The following ABCC11 variants were observed in gnomAD, a reference collection of about 807,000 sequenced individuals.
ABCC11 encodes the protein ATP binding cassette subfamily C member 11, also known as ATP-binding cassette sub-family C member 11.
ABCC11 carries 135 observed loss-of-function variants against 149.3 expected under a neutral mutation model. That is an observed-to-expected ratio of 0.90 (90% CI 0.79 to 1.04). The LOEUF is 1.04. ABCC11 is among the 50% of genes least tolerant of loss of function. ABCC11 has a pLI of 0.00. For missense variants in ABCC11, 1,680 were observed against 1,722.1 expected (o/e 0.98, Z 0.43); for synonymous variants, 665 against 671.4 (o/e 0.99, Z 0.15).
chr16:48,186,875 C>A, intron 22 of ABCC11, 78 bp downstream of exon 22: 1 of 1,554,454 alleles, frequency 6.4e-7, no homozygotes, highest in East Asian at 2.2e-5. Flanking sequence ...TGATGCCACT[C>A]CCAGACGCTC....
chr16:48,218,131 T>TA (rs961806982), intron 6 of ABCC11, among the ~76,000 whole-genome samples: 1 of 151,792 alleles, frequency 6.6e-6, no homozygotes, highest in African/African-American at 2.4e-5. Flanking sequence ...ACCCCATCTC[T>TA]AAAAAAAATT....
intron 19 of ABCC11, 75 bp from the exon 20 acceptor site, chr16:48,192,792 G>A: frequency 1.4e-6 from 2 of 1,425,334 alleles, no homozygotes; most frequent in Non-Finnish European, 9.8e-7. Context: ...TTCTCCCTGG[G>A]GCCACGTGAG....
intron 6 of ABCC11, among the ~76,000 whole-genome samples, chr16:48,220,278 C>A (rs754746618): frequency 6.6e-6 from 1 of 152,208 alleles, no homozygotes; most frequent in Non-Finnish European, 1.5e-5. Flanking sequence ...ACTTAGCAAT[C>A]ACATGACCTT....
intron 13 of ABCC11, 105 bp downstream of exon 13, chr16:48,205,308 G>T: frequency 6.8e-7 from 1 of 1,473,532 alleles, no homozygotes; most frequent in Non-Finnish European, 9.3e-7. Flanking sequence ...GCGTTTAAGT[G>T]GAGCACACAA....
At position 48,192,705 on chromosome 16, in the gene ABCC11, GGCT is replaced by G. The variant is rs1567501336; in HGVS notation, c.2518_2520del (p.Ser840del). 1 of 1,614,166 alleles carries G rather than the reference GGCT, an allele frequency of 6.2e-7. No homozygotes were observed. ...TCTGCCATGGTTCCATTGCTCTCTC[GGCT>G]GCTATTGGTCTTCAAGAAAGAACAG... On this transcript the variant is annotated inframe_deletion, in exon 20 of 30. Coordinates refer to ENST00000356608, the MANE Select transcript of ABCC11 (RefSeq NM_001370497.1).
Position 48,205,546 on chromosome 16 carries a change from G to A in ABCC11, c.1681-9C>T. 2 of 1,613,408 alleles carry A rather than the reference G, an allele frequency of 1.2e-6. No individual in the cohort carries two copies. The highest frequency in any genetic ancestry group is 1.7e-6 in the Non-Finnish European group (2 of 1,179,784). On this transcript the variant is annotated splice_polypyrimidine_tract_variant and intron_variant, in intron 12 of 29. Coordinates refer to ENST00000356608, the MANE Select transcript of ABCC11 (RefSeq NM_001370497.1). ...CCCTCGAGCAAGTGCATCTGCGGCA[G>A]AATGAGTCCAGCCTCAGGACCAATT...
chr16:48,231,311 G>T lies in ABCC11; in HGVS notation c.99+512C>A, dbSNP rs144907553. Among the ~76,000 whole-genome samples the T allele has an allele frequency of 2.3e-4, 35 of 152,134 alleles. 1 individual carries two copies. The East Asian group carries it at 6.8e-3, about 29-fold the overall frequency. On this transcript the variant is annotated intron_variant, in intron 2 of 29. Coordinates refer to ENST00000356608, the MANE Select transcript of ABCC11 (RefSeq NM_001370497.1). ...CATAGAGATATGCATAAACCATGAAGGTATGCCATGATGATGGATTATAAT... is the reference window on the plus strand; with the variant it reads ...CATAGAGATATGCATAAACCATGAATGTATGCCATGATGATGGATTATAAT...
rs2150697951 is a variant in ABCC11 at position 48,167,152 on chromosome 16, C to A, written c.*122G>T. 3.5e-4 allele frequency: 166 copies of A among 480,886 alleles called. No homozygotes were observed. Among genetic ancestry groups the A allele is most frequent in the East Asian group, 4.5e-4 (10 of 22,094 alleles). The allele number at this position is 480,886 out of a possible 1,614,324, so 29.8% of individuals were successfully genotyped here. Reference sequence around the variant, plus strand: ...GCAATCCCCACCCCCCCTACATTTACCCCTGCTTCCAGGAGAAGTTCTCAT... The same window carrying A: ...GCAATCCCCACCCCCCCTACATTTAACCCTGCTTCCAGGAGAAGTTCTCAT... On this transcript the variant is annotated 3_prime_UTR_variant, in exon 30 of 30. Coordinates refer to ENST00000356608, the MANE Select transcript of ABCC11 (RefSeq NM_001370497.1).
chr16:48,172,089 G>T (rs1192723914), intron 26 of ABCC11, among the ~76,000 whole-genome samples: 1 of 152,106 alleles, frequency 6.6e-6, no homozygotes, highest in Non-Finnish European at 1.5e-5. Flanking sequence ...ACTTTCCATC[G>T]ATATGGATTT....
chr16:48,233,581 C>A (rs1230675130), intron 1 of ABCC11, among the ~76,000 whole-genome samples: 1 of 152,224 alleles, frequency 6.6e-6, no homozygotes, highest in Non-Finnish European at 1.5e-5. Context: ...TAGAATATAG[C>A]TGCATTAAAT....
chr16:48,165,655 G>A (rs538409708), downstream of ABCC11: 9 of 152,192 alleles, frequency 5.9e-5, no homozygotes, highest in East Asian at 3.9e-4. Flanking sequence ...GTTCTGGATC[G>A]GCCTGTTTAC....
intron 1 of ABCC11, chr16:48,244,507 A>G (rs1285965617): frequency 1.2e-5 from 19 of 1,594,616 alleles, no homozygotes; most frequent in Non-Finnish European, 1.6e-5. Flanking sequence ...CGCAACCTGC[A>G]GCTGGTGCGG....
At chr16:48,244,387 G>C in intron 1 of ABCC11, 1 of 1,540,340 alleles carries the variant, frequency 6.5e-7, no homozygotes, top group East Asian at 2.6e-5. Context: ...AAGGCTGCCA[G>C]CATGTCATCA....
chr16:48,229,960 TCTC>T (rs1373601196), intron 3 of ABCC11, among the ~76,000 whole-genome samples: 3 of 152,146 alleles, frequency 2.0e-5, no homozygotes, highest in African/African-American at 4.8e-5. Flanking sequence ...TGATCATTCT[TCTC>T]CTACTCTTGC....
At chr16:48,189,495 C>T (rs893454370) in intron 20 of ABCC11, among the ~76,000 whole-genome samples, 1 of 152,120 alleles carries the variant, frequency 6.6e-6, no homozygotes, top group African/African-American at 2.4e-5. Flanking sequence ...ACTTGTGATT[C>T]TTTAAAACTA....
At chr16:48,217,632 A>G (rs1413604756) in intron 6 of ABCC11, among the ~76,000 whole-genome samples, 1 of 152,216 alleles carries the variant, frequency 6.6e-6, no homozygotes, top group Non-Finnish European at 1.5e-5. Flanking sequence ...TACATTCCAA[A>G]TCAGGAAATC....
At position 48,233,100 on chromosome 16, in the gene ABCC11, C is replaced by G. The variant is rs73546453; in HGVS notation, c.-18-1161G>C. Among the ~76,000 whole-genome samples, 304 of 152,164 alleles carry G rather than the reference C, an allele frequency of 2.0e-3. 1 individual carries two copies. Among genetic ancestry groups the G allele is most frequent in the African/African-American group, 6.9e-3 (287 of 41,508 alleles). On this transcript the variant is annotated intron_variant, in intron 1 of 29. Coordinates refer to ENST00000356608, the MANE Select transcript of ABCC11 (RefSeq NM_001370497.1). The stretch of plus-strand genomic sequence containing the variant: ...CTTGTGGTCTCAGCTACTTAAGAGG[C>G]TGAGGCAGAAGTATAACTTGATCCT...
intron 4 of ABCC11, among the ~76,000 whole-genome samples, chr16:48,227,119 G>C (rs768254120): frequency 6.6e-6 from 1 of 152,144 alleles, no homozygotes; most frequent in Non-Finnish European, 1.5e-5. Flanking sequence ...GTAATACTCA[G>C]TGCCACTGTT....
Position 48,192,746 on chromosome 16 carries a change from C to A in ABCC11, c.2509-29G>T, listed in dbSNP as rs370100295. On this transcript the variant is annotated intron_variant, in intron 19 of 29. Coordinates refer to ENST00000356608, the MANE Select transcript of ABCC11 (RefSeq NM_001370497.1). ...CAAGAAAGAACAGGGGGTCTGACTGCAGGTGTCCGGGGGAAATTCAGTGGC... is the reference window on the plus strand; with the variant it reads ...CAAGAAAGAACAGGGGGTCTGACTGAAGGTGTCCGGGGGAAATTCAGTGGC... 8.9e-5 allele frequency: 143 copies of A among 1,608,886 alleles called. 1 individual carries two copies. Among genetic ancestry groups the A allele is most frequent in the Middle Eastern group, 3.4e-4 (2 of 5,954 alleles).
Sources: allele counts gnomAD v4.1 joint callset (sites outside exome capture counted in the v4.1 genomes callset), GRCh38; gene constraint gnomAD v4.1.1; transcripts MANE v1.5; gene names NCBI Gene and HGNC (gene_info 2026-07-23, HGNC 2026-07-21).